PCDHAC1: variants seen among roughly 807,000 people sequenced by gnomAD.
PCDHAC1 encodes the protein protocadherin alpha subfamily C, 1.
A neutral mutation model predicts 60.0 loss-of-function variants in PCDHAC1; 42 were observed. The observed-to-expected ratio is 0.70, with a 90% CI of 0.55 to 0.90. The LOEUF is 0.90. PCDHAC1 is among the 40% of genes least tolerant of loss of function. PCDHAC1 has a pLI of 0.00. For missense variants in PCDHAC1, 1,160 were observed against 1,222.3 expected (o/e 0.95, Z 0.76); for synonymous variants, 468 against 499.3 (o/e 0.94, Z 0.84).
At chr5:140,953,928 C>T (rs246028) in intron 1 of PCDHAC1, among the ~76,000 whole-genome samples, 85,608 of 151,876 alleles carry the variant, frequency 0.56, 24,758 homozygotes, top group African/African-American at 0.69. Flanking sequence ...CTTCCTGATG[C>T]TCTCCCTCCC....
intron 1 of PCDHAC1, among the ~76,000 whole-genome samples, chr5:140,975,246 G>T (rs1304794782): frequency 6.6e-6 from 1 of 152,136 alleles, no homozygotes; most frequent in Non-Finnish European, 1.5e-5. Context: ...TCCCTCTTAT[G>T]CTTCAGATCT....
chr5:140,994,272 C>G (rs1400320599), intron 3 of PCDHAC1, among the ~76,000 whole-genome samples: 1 of 152,168 alleles, frequency 6.6e-6, no homozygotes, highest in Non-Finnish European at 1.5e-5. Context: ...GCTAGGCTGC[C>G]TTTCTTGAGA....
chr5:140,967,873 C>T lies in PCDHAC1; in HGVS notation c.2434-11076C>T, dbSNP rs1554230047. On this transcript the variant is annotated intron_variant, in intron 1 of 3. Transcript: ENST00000253807. ...ATGCCCCAGAGGTGGTGCTCACGGA[C>T]CTGTATAGCCCAGTGCCTGAGAATG... 1.9e-6 allele frequency: 3 copies of T among 1,614,152 alleles called. No homozygotes were observed. In the Admixed American group the frequency reaches 5.0e-5, roughly 27 times the overall value.
chr5:140,999,406 G>C (rs1459713118), intron 3 of PCDHAC1, among the ~76,000 whole-genome samples: 1 of 152,166 alleles, frequency 6.6e-6, no homozygotes, highest in Non-Finnish European at 1.5e-5. Context: ...GCATATGAAA[G>C]AATGGGAGCT....
At chr5:141,000,608 A>G (rs1554257700) in intron 3 of PCDHAC1, among the ~76,000 whole-genome samples, 2 of 150,664 alleles carry the variant, frequency 1.3e-5, no homozygotes, top group African/African-American at 4.9e-5. Context: ...TTGTATTTTT[A>G]GTAGAGACAG....
chr5:140,958,454 T>G (rs2095424871), intron 1 of PCDHAC1, among the ~76,000 whole-genome samples: 1 of 152,168 alleles, frequency 6.6e-6, no homozygotes, highest in African/African-American at 2.4e-5. Flanking sequence ...CCTTTTATTC[T>G]TCAACTTCTG....
intron 1 of PCDHAC1, chr5:140,969,441 G>T (rs1554231808): frequency 1.9e-6 from 3 of 1,543,640 alleles, no homozygotes; most frequent in Non-Finnish European, 2.6e-6. Flanking sequence ...GAGTTATCTG[G>T]TAAACTGAGT....
intron 1 of PCDHAC1, among the ~76,000 whole-genome samples, chr5:140,954,516 G>C (rs782233597): frequency 3.3e-5 from 5 of 152,172 alleles, no homozygotes; most frequent in Admixed American, 6.5e-5. Flanking sequence ...TTTACCTAAT[G>C]ATCAGTGATG....
chr5:140,980,522 A>G (rs1341350940), intron 2 of PCDHAC1, among the ~76,000 whole-genome samples: 2 of 152,074 alleles, frequency 1.3e-5, no homozygotes, highest in Non-Finnish European at 2.9e-5. Flanking sequence ...TCCAGCTACT[A>G]GGGAGGCTGA....
At chr5:140,942,996 C>T (rs1294135098) in intron 1 of PCDHAC1, among the ~76,000 whole-genome samples, 1 of 151,798 alleles carries the variant, frequency 6.6e-6, no homozygotes, top group South Asian at 2.1e-4. Context: ...GTGGCTCATG[C>T]CTGTAATCCC....
At chr5:140,962,350 C>A (rs78940637) in intron 1 of PCDHAC1, among the ~76,000 whole-genome samples, 3,557 of 152,264 alleles carry the variant, frequency 0.023, 46 homozygotes, top group Middle Eastern at 0.034. Context: ...TAAAACTCCC[C>A]CCAATACTGG....
intron 1 of PCDHAC1, among the ~76,000 whole-genome samples, chr5:140,949,595 G>A (rs1342869045): frequency 1.3e-5 from 2 of 151,566 alleles, no homozygotes; most frequent in Admixed American, 6.6e-5. Context: ...TATTAATGTG[G>A]CCATTCTAGT....
Position 140,998,756 on chromosome 5 carries a change from G to A in PCDHAC1, c.2582-10871G>A, listed in dbSNP as rs78235138. Among the ~76,000 whole-genome samples, 197 of 152,232 alleles carry A rather than the reference G, an allele frequency of 1.3e-3. 4 individuals carry two copies. In the East Asian group the frequency reaches 0.035, roughly 27 times the overall value. On this transcript the variant is annotated intron_variant, in intron 3 of 3. Coordinates refer to ENST00000253807, the MANE Select transcript of PCDHAC1 (RefSeq NM_018898.5). Reference sequence around the variant, plus strand: ...ATTTTGTATTTTTAGAAGAGACACAGTTTCACTATGTTGGTCAGGCTGGTC... The same window carrying A: ...ATTTTGTATTTTTAGAAGAGACACAATTTCACTATGTTGGTCAGGCTGGTC...
In PCDHAC1 at chr5:140,926,986, C is replaced by T. The variant is rs782199565; in HGVS notation, c.94C>T (p.Arg32Trp). 6.2e-7 allele frequency: 1 copy of T among 1,610,712 alleles called. No homozygotes were observed. Among genetic ancestry groups the T allele is most frequent in the Non-Finnish European group, 8.5e-7 (1 of 1,177,808 alleles). ...LEYSVPEETERGVAVGNLSAD... is the reference protein window; with the variant it reads ...LEYSVPEETEWGVAVGNLSAD... ...GTACTCAGTGCCGGAGGAGACGGAG[C>T]GGGGCGTAGCCGTAGGCAATCTCTC... Residue 32 changes from arginine (R) to tryptophan (W), a missense_variant, in exon 1 of 4, where the codon CGG becomes TGG. Arg to Trp is a moderately radical substitution (Grantham distance 101, BLOSUM62 -3). This residue lies in a region of PCDHAC1 where 43 missense variants were observed against 40.4 expected (regional missense o/e 1.06). Coordinates refer to ENST00000253807, the MANE Select transcript of PCDHAC1 (RefSeq NM_018898.5).
chr5:140,998,059 C>T (rs1471709750), intron 3 of PCDHAC1, among the ~76,000 whole-genome samples: 1 of 152,154 alleles, frequency 6.6e-6, no homozygotes, highest in East Asian at 1.9e-4. Context: ...ACATCATCAT[C>T]AACAGACTTA....
At chr5:140,954,119 C>T (rs547590061) in intron 1 of PCDHAC1, among the ~76,000 whole-genome samples, 2 of 152,156 alleles carry the variant, frequency 1.3e-5, no homozygotes, top group African/African-American at 4.8e-5. Flanking sequence ...AGATCTTGTT[C>T]CTTTTTATGG....
chr5:140,966,341 G>T, intron 1 of PCDHAC1: 1 of 396,732 alleles, frequency 2.5e-6, no homozygotes, highest in Non-Finnish European at 4.4e-6. Context: ...CAGGTCCAGG[G>T]TGAAGGAGAT....
At position 140,932,324 on chromosome 5, in the gene PCDHAC1, A is replaced by C. The variant is rs188019504; in HGVS notation, c.2433+2999A>C. On this transcript the variant is annotated intron_variant, in intron 1 of 3. Coordinates refer to ENST00000253807, the MANE Select transcript of PCDHAC1 (RefSeq NM_018898.5). Reference sequence around the variant, plus strand: ...AAAGGTATAAATATATTAATGTAGCAAAAATGCATGAAACACTTACCATAC... The same window carrying C: ...AAAGGTATAAATATATTAATGTAGCCAAAATGCATGAAACACTTACCATAC... Among the ~76,000 whole-genome samples the C allele has an allele frequency of 5.8e-3, 886 of 152,084 alleles. 7 individuals are homozygous for C. The highest frequency in any genetic ancestry group is 0.021 in the African/African-American group (858 of 41,564).
chr5:141,000,647 C>G (rs1442819157), intron 3 of PCDHAC1, among the ~76,000 whole-genome samples: 1 of 151,182 alleles, frequency 6.6e-6, no homozygotes, highest in Non-Finnish European at 1.5e-5. Context: ...AGGCTGGTCT[C>G]GAACTCCTGA....
Sources: gnomAD v4.1 joint callset for allele counts (sites outside exome capture counted in the v4.1 genomes callset) on GRCh38, gnomAD v4.1.1 for gene constraint, gnomAD v4.1.1 regional missense constraint, MANE v1.5 for transcripts, NCBI Gene and HGNC (gene_info 2026-07-23, HGNC 2026-07-21) for gene names.